Variants in PAM observed in about 807,000 individuals in gnomAD.
PAM encodes peptidylglycine alpha-amidating monooxygenase, also known as peptidyl-glycine alpha-amidating monooxygenase.
PAM carries 72 observed loss-of-function variants against 122.1 expected under a neutral mutation model. That is an observed-to-expected ratio of 0.59 (90% confidence interval 0.49 to 0.72). PAM has a LOEUF of 0.72. Ranked by LOEUF, PAM falls within the 30% of genes least tolerant of loss-of-function variation. The pLI is 0.00. For synonymous variants in PAM, 389 were observed against 404.4 expected, an observed-to-expected ratio of 0.96 and a Z score of 0.46; for missense variants, 1,106 against 1,183.7, an observed-to-expected ratio of 0.93 and a Z score of 0.96.
At chr5:102,833,707 C>T (rs1320168890) in intron 1 of PAM, among the ~76,000 whole-genome samples, 1 of 152,010 alleles carries the variant, frequency 6.6e-6, no homozygotes, top group Non-Finnish European at 1.5e-5. Flanking sequence ...GTATTTGGTC[C>T]ATCCTCACAA....
chr5:102,797,414 C>T (rs1763657393), intron 1 of PAM, among the ~76,000 whole-genome samples: 1 of 152,248 alleles, frequency 6.6e-6, no homozygotes, highest in East Asian at 1.9e-4. Context: ...TATAACCTCA[C>T]CCTTTTGCTT....
In PAM at chr5:102,814,518, C is replaced by T. The variant is rs568069275; in HGVS notation, c.-373-51305C>T. On this transcript the variant is annotated intron_variant, in intron 1 of 25. Coordinates refer to ENST00000438793, the MANE Select transcript of PAM (RefSeq NM_001177306.2). ...AAAAGCGTCTCTCTCTCTCTCTCTCCCTCTCTCTATATATACATATATATT... is the reference window on the plus strand; with the variant it reads ...AAAAGCGTCTCTCTCTCTCTCTCTCTCTCTCTCTATATATACATATATATT... Among the ~76,000 whole-genome samples, 516 of 143,316 alleles carry T rather than the reference C, an allele frequency of 3.6e-3. 8 individuals are homozygous for T. Among genetic ancestry groups the T allele is most frequent in the African/African-American group, 0.013 (483 of 38,192 alleles). 94.0% of individuals were successfully genotyped at this position (143,316 alleles called of 152,430 possible).
At chr5:102,871,618 C>T (rs2151010526) in intron 3 of PAM, among the ~76,000 whole-genome samples, 1 of 150,204 alleles carries the variant, frequency 6.7e-6, no homozygotes, top group East Asian at 1.9e-4. Flanking sequence ...CTCAGAAATT[C>T]TTATACATCT....
intron 1 of PAM, among the ~76,000 whole-genome samples, chr5:102,835,179 C>T (rs1034769477): frequency 6.6e-6 from 1 of 152,040 alleles, no homozygotes; most frequent in Non-Finnish European, 1.5e-5. Flanking sequence ...TATTTTCATG[C>T]CTAGCCCTCA....
In PAM at chr5:102,980,255, T is replaced by G. The variant is rs535767017; in HGVS notation, c.1483+5819T>G. Among the ~76,000 whole-genome samples the G allele has an allele frequency of 9.9e-5, 15 of 152,274 alleles. No homozygotes were observed. The South Asian group carries it at 3.1e-3, about 32-fold the overall frequency. ...TTAATTTTTAGGCTAACACTGGAAA[T>G]CTGTAGCATTAACTAGTCATGTATT... On this transcript the variant is annotated intron_variant, in intron 15 of 25. Transcript: ENST00000438793.
intron 24 of PAM, among the ~76,000 whole-genome samples, chr5:103,027,614 G>T (rs2151399402): frequency 6.6e-6 from 1 of 152,156 alleles, no homozygotes; most frequent in East Asian, 1.9e-4. Flanking sequence ...AAAATACTCA[G>T]GGTGTCATGT....
chr5:102,773,328 G>T (rs1756298011), intron 1 of PAM, among the ~76,000 whole-genome samples: 1 of 152,098 alleles, frequency 6.6e-6, no homozygotes, highest in African/African-American at 2.4e-5. Flanking sequence ...TTTACCATAT[G>T]CTGTATTAGG....
At position 103,029,181 on chromosome 5, in the gene PAM, C is replaced by G. The variant is rs1053428648; in HGVS notation, c.*116C>G. ...GTAAACTGTACTAGTCTGTGTGGGA[C>G]TGTACACACTTTATTTACTTCGTTT... On this transcript the variant is annotated 3_prime_UTR_variant, in exon 26 of 26. Coordinates refer to ENST00000438793, the MANE Select transcript of PAM (RefSeq NM_001177306.2). The G allele has an allele frequency of 1.4e-6, 1 of 704,482 alleles. No homozygotes were observed. The highest frequency in any genetic ancestry group is 1.8e-5 in the African/African-American group (1 of 54,308). The allele number at this position is 704,482 out of a possible 1,614,324, so 43.6% of individuals were successfully genotyped here.
chr5:102,950,537 T>TA (rs1379946930), intron 11 of PAM, among the ~76,000 whole-genome samples, 180 bp from the exon 12 acceptor site: 2 of 151,870 alleles, frequency 1.3e-5, no homozygotes, highest in African/African-American at 4.8e-5. Flanking sequence ...AGAATTAAGG[T>TA]CAAAAATCCT....
At chr5:102,910,203 C>T (rs200676125) in intron 4 of PAM, among the ~76,000 whole-genome samples, 1 of 151,766 alleles carries the variant, frequency 6.6e-6, no homozygotes, top group African/African-American at 2.4e-5. Flanking sequence ...AATTTTGTGG[C>T]CCTGATTATA....
chr5:102,946,134 A>G (rs1023283917), intron 7 of PAM, among the ~76,000 whole-genome samples: 4 of 152,240 alleles, frequency 2.6e-5, no homozygotes, highest in African/African-American at 7.2e-5. Flanking sequence ...CACACCAAAC[A>G]CTGAGGCTGA....
At chr5:102,768,920 C>A (rs1383146565) in intron 1 of PAM, among the ~76,000 whole-genome samples, 1 of 152,156 alleles carries the variant, frequency 6.6e-6, no homozygotes, top group South Asian at 2.1e-4. Context: ...TTTTGAGGAA[C>A]CTCCAAACTT....
At chr5:103,020,682 T>G (rs1783304467) in intron 23 of PAM, among the ~76,000 whole-genome samples, 2 of 152,178 alleles carry the variant, frequency 1.3e-5, no homozygotes, top group South Asian at 4.1e-4. Context: ...ATTCCATTAT[T>G]AGTTGCTTTA....
At chr5:102,932,871 C>T (rs1457887897) in intron 7 of PAM, among the ~76,000 whole-genome samples, 3 of 151,940 alleles carry the variant, frequency 2.0e-5, no homozygotes, top group African/African-American at 4.8e-5. Context: ...TTTAGGAGTA[C>T]GTAGAGTTTT....
intron 1 of PAM, among the ~76,000 whole-genome samples, chr5:102,832,911 C>T (rs1170025112): frequency 3.9e-5 from 6 of 152,118 alleles, no homozygotes; most frequent in Admixed American, 3.9e-4. Context: ...CTTTCTGTCA[C>T]CTTGAAACAA....
chr5:102,775,391 A>G (rs1756884992), intron 1 of PAM, among the ~76,000 whole-genome samples: 1 of 152,118 alleles, frequency 6.6e-6, no homozygotes, highest in Non-Finnish European at 1.5e-5. Context: ...CAGGTTTGTT[A>G]CATAGGTAAA....
At chr5:102,787,219 C>A (rs1026412492) in intron 1 of PAM, among the ~76,000 whole-genome samples, 7 of 152,036 alleles carry the variant, frequency 4.6e-5, no homozygotes, top group Admixed American at 3.3e-4. Flanking sequence ...TGGGAGCTGG[C>A]AGAAGAAGAA....
At chr5:102,927,261 T>C (rs1342258360) in intron 7 of PAM, among the ~76,000 whole-genome samples, 1 of 152,148 alleles carries the variant, frequency 6.6e-6, no homozygotes, top group Non-Finnish European at 1.5e-5. Flanking sequence ...CCCCTTTCCT[T>C]ACTATAGATC....
At chr5:102,863,653 G>T (rs1387328587) in intron 1 of PAM, among the ~76,000 whole-genome samples, 3 of 146,776 alleles carry the variant, frequency 2.0e-5, no homozygotes, top group African/African-American at 5.0e-5. Context: ...TTGGATGAGT[G>T]AAGGAATTAT....
Sources: gnomAD v4.1 joint callset for allele counts (sites outside exome capture counted in the v4.1 genomes callset) on GRCh38, gnomAD v4.1.1 for gene constraint, MANE v1.5 for transcripts, NCBI Gene and HGNC (gene_info 2026-07-23, HGNC 2026-07-21) for gene names.